The following ZNF334 variants were observed in gnomAD, a reference collection of about 807,000 sequenced individuals.
ZNF334 encodes zinc finger protein 334.
In ZNF334, 14 loss-of-function variants were observed where a neutral mutation model predicts 12.4. That is an observed-to-expected ratio of 1.13 (90% CI 0.74 to 1.76). The LOEUF (loss-of-function observed/expected upper bound fraction) is 1.76. ZNF334 is among the 40% of genes most tolerant of loss of function. The pLI is 0.00. For synonymous variants in ZNF334, 273 were observed against 269.6 expected (o/e 1.01, Z -0.12); for missense variants, 797 against 804.5 (o/e 0.99, Z 0.11).
At chr20:46,484,287 T>G in the ZNF334 span, among the ~76,000 whole-genome samples, 5 of 152,212 alleles carry the variant, frequency 3.3e-5, no homozygotes, top group Admixed American at 3.3e-4. Flanking sequence ...CTTCCTAAAC[T>G]CTACAAGAGT....
chr20:46,501,448 T>C lies in ZNF334; in HGVS notation c.1891A>G (p.Asn631Asp), dbSNP rs779200261. 5.0e-6 allele frequency: 8 copies of C among 1,614,008 alleles called. No homozygotes were observed. In the African/African-American group the frequency reaches 6.7e-5, roughly 13 times the overall value. ...CGACGGTAGGTTTTCCCACATTGAT[T>C]ACATTCATATGGTTTCTCTCCTGTG... ...IHTGEKPYECNQCGKTYRRLW... is the reference protein window; with the variant it reads ...IHTGEKPYECDQCGKTYRRLW... The change falls in exon 5 of 5, where the codon AAT becomes GAT. Residue 631 changes from asparagine (N) to aspartate (D), a missense_variant. Transcript: ENST00000692313.
chr20:46,468,370 G>T, the ZNF334 span, among the ~76,000 whole-genome samples: 1 of 151,878 alleles, frequency 6.6e-6, no homozygotes, highest in Admixed American at 6.6e-5. Context: ...CAACCCCCAG[G>T]TTCAAGTGAT....
chr20:46,468,277 AC>A, the ZNF334 span, among the ~76,000 whole-genome samples: 2 of 139,588 alleles, frequency 1.4e-5, no homozygotes, highest in Non-Finnish European at 3.1e-5. Flanking sequence ...GTTTACACCC[AC>A]ATTTTTTTTT....
the ZNF334 span, among the ~76,000 whole-genome samples, chr20:46,469,455 G>A: frequency 2.7e-5 from 4 of 149,526 alleles, no homozygotes; most frequent in Non-Finnish European, 5.9e-5. Context: ...TGCAAGCTCC[G>A]CCTCCCAGGT....
downstream of ZNF334, among the ~76,000 whole-genome samples, chr20:46,497,840 C>T (rs2061049012): frequency 6.6e-6 from 1 of 152,246 alleles, no homozygotes; most frequent in Admixed American, 6.5e-5. Context: ...TCTGTCACAT[C>T]AACCCATATG....
the ZNF334 span, among the ~76,000 whole-genome samples, chr20:46,472,385 T>C: frequency 1.3e-5 from 2 of 152,322 alleles, no homozygotes; most frequent in East Asian, 1.9e-4. Context: ...TAAATGGTGA[T>C]GTGTAGTAGA....
chr20:46,506,252 G>T, intron 2 of ZNF334: 2 of 494,924 alleles, frequency 4.0e-6, no homozygotes, highest in South Asian at 6.5e-5. Flanking sequence ...AGGTCTCCAT[G>T]AACTGATATG....
At chr20:46,497,503 G>T (rs1601000761), downstream of ZNF334, among the ~76,000 whole-genome samples, 1 of 152,340 alleles carries the variant, frequency 6.6e-6, no homozygotes, top group East Asian at 1.9e-4. Flanking sequence ...AGGAAGAGAA[G>T]AGGGAAGAAG....
Position 46,501,992 on chromosome 20 carries a change from A to G in ZNF334, c.1347T>C (p.Ile449=). 2 of 1,614,050 alleles carry G rather than the reference A, an allele frequency of 1.2e-6. No individual in the cohort carries two copies. Among genetic ancestry groups the G allele is most frequent in the Middle Eastern group, 1.6e-4 (1 of 6,062 alleles). The change falls in exon 5 of 5, where the codon ATT becomes ATC. Residue 449 remains isoleucine, a synonymous_variant. Coordinates refer to ENST00000692313, the MANE Select transcript of ZNF334 (RefSeq NM_001353824.2). ...TTCCTCTATGAGTTATCTGATGTGC[A>G]ATGAGGGCTGATTTCGTACATAAAA... is the stretch of plus-strand genomic sequence containing the variant. The part of the protein sequence containing the change: ...GKFLCTKSAL[I]AHQITHRGKK...
chr20:46,475,638 C>A, the ZNF334 span, among the ~76,000 whole-genome samples: 1 of 151,960 alleles, frequency 6.6e-6, no homozygotes, highest in Non-Finnish European at 1.5e-5. Context: ...ATTTCAATGA[C>A]AAGGATATAC....
the ZNF334 span, among the ~76,000 whole-genome samples, chr20:46,488,416 A>ATTTT: frequency 3.8e-5 from 3 of 79,370 alleles, no homozygotes; most frequent in African/African-American, 1.4e-4. Flanking sequence ...TGTAGCTCTT[A>ATTTT]TTTTATATAT....
the ZNF334 span, among the ~76,000 whole-genome samples, chr20:46,462,586 G>A: frequency 1.3e-5 from 2 of 152,238 alleles, no homozygotes; most frequent in Non-Finnish European, 2.9e-5. Flanking sequence ...AGCCTAGATT[G>A]TAAACAGTAA....
At chr20:46,480,211 C>G in the ZNF334 span, among the ~76,000 whole-genome samples, 1 of 152,146 alleles carries the variant, frequency 6.6e-6, no homozygotes, top group Non-Finnish European at 1.5e-5. Context: ...AATTATTAAT[C>G]ACACATTTGC....
intron 2 of ZNF334, chr20:46,505,937 T>C (rs942527850): frequency 1.9e-5 from 3 of 156,188 alleles, no homozygotes; most frequent in Non-Finnish European, 4.2e-5. Context: ...AGAGAATCAG[T>C]CCTACATAAC....
intron 2 of ZNF334, among the ~76,000 whole-genome samples, chr20:46,506,794 T>C (rs967014884): frequency 1.3e-5 from 2 of 152,028 alleles, no homozygotes; most frequent in Non-Finnish European, 2.9e-5. Flanking sequence ...CTCTAAAATA[T>C]CTTTCTATAC....
At chr20:46,506,396 T>G in intron 2 of ZNF334, 1 of 509,522 alleles carries the variant, frequency 2.0e-6, no homozygotes, top group Non-Finnish European at 3.5e-6. Context: ...GAGGTTGAGG[T>G]AGGCTGATCG....
At chr20:46,497,177 C>A (rs757663193), downstream of ZNF334, among the ~76,000 whole-genome samples, 5 of 152,164 alleles carry the variant, frequency 3.3e-5, no homozygotes, top group Non-Finnish European at 5.9e-5. Context: ...CAACCAGACA[C>A]CTGATGGCAA....
the ZNF334 span, chr20:46,464,435 C>T: frequency 3.7e-5 from 19 of 513,674 alleles, no homozygotes; most frequent in Middle Eastern, 6.2e-4. Flanking sequence ...CCCAAAGCCA[C>T]GCTCACTGGG....
At position 46,513,143 on chromosome 20, in the gene ZNF334, A is replaced by G. The variant is rs1202071713; in HGVS notation, c.-642T>C. ...TTGAACTGAACTTTGCTGAGCTATA[A>G]TAATCAATGGCTGCAAGACTAAGTG... On this transcript the variant is annotated 5_prime_UTR_variant, in exon 1 of 5. Transcript: ENST00000692313. The G allele has an allele frequency of 3.9e-5, 6 of 152,390 alleles. No individual in the cohort carries two copies. The highest frequency in any genetic ancestry group is 1.5e-5 in the Non-Finnish European group (1 of 68,064). The allele number at this position is 152,390 out of a possible 1,614,324, so 9.4% of individuals were successfully genotyped here. A position where few individuals can be genotyped will look rare whatever the true frequency, so the allele number is the denominator to read the frequency against.
Sources: gnomAD v4.1 joint callset for allele counts (sites outside exome capture counted in the v4.1 genomes callset) on GRCh38, gnomAD v4.1.1 for gene constraint, MANE v1.5 for transcripts, NCBI Gene and HGNC (gene_info 2026-07-23, HGNC 2026-07-21) for gene names.